Variants in RBMS2 observed in about 807,000 individuals in gnomAD.
The protein encoded by RBMS2 is RNA binding motif single stranded interacting protein 2, also known as RNA-binding motif, single-stranded-interacting protein 2.
A neutral mutation model predicts 58.4 loss-of-function variants in RBMS2; 38 were observed. The observed-to-expected ratio is 0.65, with a 90% CI of 0.50 to 0.85. RBMS2 has a LOEUF of 0.85. Among genes scored for constraint, RBMS2 ranks in the 40% least tolerant of loss-of-function variants. RBMS2 has a pLI of 0.00. For missense variants in RBMS2, 367 were observed against 503.7 expected (o/e 0.73, Z 2.60); for synonymous variants, 151 against 180.7 (o/e 0.84, Z 1.32).
intron 9 of RBMS2, among the ~76,000 whole-genome samples, chr12:56,582,871 T>C (rs1056411527): frequency 2.6e-5 from 4 of 152,146 alleles, no homozygotes; most frequent in African/African-American, 4.8e-5. Context: ...GGTTTCACCA[T>C]GTTGGCCAGA....
rs1158426598 is a variant in RBMS2, at chr12:56,571,695, C to T, written c.385-3C>T. 6 of 1,538,344 alleles carry T rather than the reference C, an allele frequency of 3.9e-6. No homozygotes were observed. Among genetic ancestry groups the T allele is most frequent in the Non-Finnish European group, 5.3e-6 (6 of 1,138,896 alleles). On this transcript the variant is annotated splice_polypyrimidine_tract_variant and splice_region_variant and intron_variant, in intron 4 of 13. Transcript: ENST00000262031. ...CCTCATTTTCTCACTGTTATTTCCA[C>T]AGCAACAGGAACAGGACCCCACAAA...
chr12:56,543,041 T>C (rs1876428747), intron 1 of RBMS2, among the ~76,000 whole-genome samples: 1 of 151,980 alleles, frequency 6.6e-6, no homozygotes, highest in South Asian at 2.1e-4. Context: ...AATTTCTTTT[T>C]TGAAAAATTT....
upstream of RBMS2, among the ~76,000 whole-genome samples, chr12:56,521,241 C>T (rs1871683291): frequency 6.6e-6 from 1 of 151,892 alleles, no homozygotes; most frequent in African/African-American, 2.4e-5. Flanking sequence ...CCAGCCTGGC[C>T]AAGATGGCGA....
At chr12:56,576,540 A>G (rs1292423130) in intron 5 of RBMS2, among the ~76,000 whole-genome samples, 1 of 152,094 alleles carries the variant, frequency 6.6e-6, no homozygotes, top group Non-Finnish European at 1.5e-5. Context: ...TCTCCTGAGG[A>G]TAAGGGGGGA....
At chr12:56,537,202 T>C (rs1875070736) in intron 1 of RBMS2, among the ~76,000 whole-genome samples, 1 of 152,154 alleles carries the variant, frequency 6.6e-6, no homozygotes, top group South Asian at 2.1e-4. Context: ...ATTACAGGCG[T>C]GAGGCGCCCA....
chr12:56,569,465 G>A (rs1881927664), intron 3 of RBMS2, among the ~76,000 whole-genome samples: 1 of 152,162 alleles, frequency 6.6e-6, no homozygotes, highest in Non-Finnish European at 1.5e-5. Flanking sequence ...GGAAGAGAAA[G>A]GGCTATAAGC....
At chr12:56,577,301 C>T (rs959962032) in intron 5 of RBMS2, among the ~76,000 whole-genome samples, 2 of 151,314 alleles carry the variant, frequency 1.3e-5, no homozygotes, top group African/African-American at 4.8e-5. Flanking sequence ...ATCCCAGCTA[C>T]TCAGGAGTCT....
In RBMS2 at chr12:56,549,230, A is replaced by G. The variant is rs1877798625; in HGVS notation, c.67-13187A>G. Among the ~76,000 whole-genome samples, 2 of 151,996 alleles carry G rather than the reference A, an allele frequency of 1.3e-5. 1 individual carries two copies. The highest frequency in any genetic ancestry group is 4.1e-4 in the South Asian group (2 of 4,822). On this transcript the variant is annotated intron_variant, in intron 1 of 13. Coordinates refer to ENST00000262031, the MANE Select transcript of RBMS2 (RefSeq NM_002898.4). ...GGCTGGTCTTGTACTCCTGACCTCA[A>G]GCGATCCACCTGCCTCTGCCTCCCA...
chr12:56,548,548 A>G (rs2136334739), intron 1 of RBMS2, among the ~76,000 whole-genome samples: 1 of 152,266 alleles, frequency 6.6e-6, no homozygotes, highest in African/African-American at 2.4e-5. Flanking sequence ...GAGAAAGTGG[A>G]CTTTCTCTTA....
At chr12:56,579,957 T>C (rs1239761162) in intron 5 of RBMS2, among the ~76,000 whole-genome samples, 2 of 152,024 alleles carry the variant, frequency 1.3e-5, no homozygotes, top group African/African-American at 2.4e-5. Flanking sequence ...TGAGACGGAG[T>C]CTTGCTCTGT....
chr12:56,570,902 ATGAG>A lies in RBMS2; in HGVS notation c.385-794_385-791del, dbSNP rs572395141. ...GTCCCTTTGCCTTTCTGAAGCTGTT[ATGAG>A]TATTATACATAGAGCTTGTGAGGCA... On this transcript the variant is annotated intron_variant, in intron 4 of 13. Coordinates refer to ENST00000262031, the MANE Select transcript of RBMS2 (RefSeq NM_002898.4). Among the ~76,000 whole-genome samples, 188 of 152,244 alleles carry A rather than the reference ATGAG, an allele frequency of 1.2e-3. 1 individual carries two copies. Among genetic ancestry groups the A allele is most frequent in the African/African-American group, 4.3e-3 (178 of 41,548 alleles).
At chr12:56,536,858 C>T (rs1874980652) in intron 1 of RBMS2, among the ~76,000 whole-genome samples, 1 of 151,880 alleles carries the variant, frequency 6.6e-6, no homozygotes, top group Admixed American at 6.6e-5. Context: ...TGAGCCACTG[C>T]ACCTGGCCTA....
intron 4 of RBMS2, 74 bp from the exon 5 acceptor site, chr12:56,571,624 C>T: frequency 7.2e-7 from 1 of 1,395,008 alleles, no homozygotes; most frequent in Non-Finnish European, 9.5e-7. Context: ...TCTGAAATGT[C>T]ATTTGTGGGG....
At chr12:56,566,456 C>G (rs1881358728) in intron 2 of RBMS2, among the ~76,000 whole-genome samples, 1 of 152,168 alleles carries the variant, frequency 6.6e-6, no homozygotes, top group Admixed American at 6.5e-5. Flanking sequence ...CTGTGATACA[C>G]TACTACTCAA....
upstream of RBMS2, among the ~76,000 whole-genome samples, chr12:56,520,890 G>A (rs754877326): frequency 6.6e-6 from 1 of 152,114 alleles, no homozygotes; most frequent in Non-Finnish European, 1.5e-5. Flanking sequence ...TGTTAAATAA[G>A]ATAGCCTGCA....
intron 1 of RBMS2, among the ~76,000 whole-genome samples, chr12:56,546,317 TAA>T (rs889314967): frequency 6.8e-6 from 1 of 147,742 alleles, no homozygotes; most frequent in African/African-American, 2.5e-5. Context: ...TAATACATTA[TAA>T]AAAATAATAA....
intron 5 of RBMS2, among the ~76,000 whole-genome samples, chr12:56,572,407 T>A (rs888055354): frequency 6.6e-6 from 1 of 151,892 alleles, no homozygotes; most frequent in Non-Finnish European, 1.5e-5. Flanking sequence ...CCCAGGCTGC[T>A]CTTGAACATC....
Position 56,581,884 on chromosome 12 carries a change from G to C in RBMS2, c.779+5G>C. ...CACCACAGCTCTTCAGAATGGGTAA[G>C]GTTTTATATAATCAAGCCACCTGAA... is the stretch of plus-strand genomic sequence containing the variant. On this transcript the variant is annotated splice_donor_5th_base_variant and intron_variant, in intron 8 of 13. Transcript: ENST00000262031. 3 of 1,613,962 alleles carry C rather than the reference G, an allele frequency of 1.9e-6. No individual in the cohort carries two copies. Among genetic ancestry groups the C allele is most frequent in the Non-Finnish European group, 2.5e-6 (3 of 1,179,860 alleles).
chr12:56,543,220 C>A (rs1202499705), intron 1 of RBMS2, among the ~76,000 whole-genome samples: 2 of 151,352 alleles, frequency 1.3e-5, no homozygotes, highest in Non-Finnish European at 1.5e-5. Context: ...CAGTGGCTCA[C>A]GCCTGTAATC....
Sources: allele counts gnomAD v4.1 joint callset (sites outside exome capture counted in the v4.1 genomes callset), GRCh38; gene constraint gnomAD v4.1.1; transcripts MANE v1.5; gene names NCBI Gene and HGNC (gene_info 2026-07-23, HGNC 2026-07-21).